CHRM3: variants seen among roughly 807,000 people sequenced by gnomAD.
The protein encoded by CHRM3 is cholinergic receptor muscarinic 3.
Under a neutral mutation model 41.8 loss-of-function variants are expected in CHRM3, and 11 were observed. That is an observed-to-expected ratio of 0.26 (90% confidence interval 0.17 to 0.44). The LOEUF is 0.44. Among genes scored for constraint, CHRM3 ranks in the 20% least tolerant of loss-of-function variants. The pLI is 1.00. For synonymous variants in CHRM3, 297 were observed against 301.4 expected, an observed-to-expected ratio of 0.99 and a Z score of 0.15; for missense variants, 571 against 745.4, an observed-to-expected ratio of 0.77 and a Z score of 2.72.
chr1:239,622,921 C>T (rs1668542584), intron 3 of CHRM3, among the ~76,000 whole-genome samples: 1 of 151,922 alleles, frequency 6.6e-6, no homozygotes, highest in Admixed American at 6.6e-5. Context: ...AAATCTTTTA[C>T]AAAAGAAAGA....
intron 5 of CHRM3, among the ~76,000 whole-genome samples, chr1:239,681,223 ATTGT>A (rs1658532416): frequency 6.6e-6 from 1 of 152,144 alleles, no homozygotes; most frequent in Non-Finnish European, 1.5e-5. Context: ...CCATATCACC[ATTGT>A]TTTAGCCACT....
At chr1:239,566,611 A>T (rs1466691836) in intron 3 of CHRM3, among the ~76,000 whole-genome samples, 1 of 152,018 alleles carries the variant, frequency 6.6e-6, no homozygotes, top group Non-Finnish European at 1.5e-5. Flanking sequence ...TAATTATTTA[A>T]TTTTTATCTT....
intron 3 of CHRM3, among the ~76,000 whole-genome samples, chr1:239,597,854 CAG>C (rs1558355407): frequency 6.2e-5 from 6 of 96,950 alleles, no homozygotes; most frequent in South Asian, 3.9e-4. Context: ...AAAAAACTGT[CAG>C]AGTTTTTTTT....
At chr1:239,889,445 C>G (rs1468528864) in intron 6 of CHRM3, among the ~76,000 whole-genome samples, 3 of 152,064 alleles carry the variant, frequency 2.0e-5, no homozygotes, top group Non-Finnish European at 4.4e-5. Context: ...CATGCCTGGC[C>G]CCTAGGTAGC....
At chr1:239,767,022 T>C (rs936714590) in intron 5 of CHRM3, among the ~76,000 whole-genome samples, 1 of 152,152 alleles carries the variant, frequency 6.6e-6, no homozygotes, top group Non-Finnish European at 1.5e-5. Flanking sequence ...TCACCATATA[T>C]ATATTAAATA....
At chr1:239,398,452 T>A (rs537263450) in intron 1 of CHRM3, among the ~76,000 whole-genome samples, 43 of 151,710 alleles carry the variant, frequency 2.8e-4, no homozygotes, top group Non-Finnish European at 5.2e-4. Flanking sequence ...GTCAGGCTGG[T>A]CTCGAACTCC....
intron 3 of CHRM3, among the ~76,000 whole-genome samples, chr1:239,603,427 T>C (rs951347376): frequency 6.6e-6 from 1 of 152,138 alleles, no homozygotes; most frequent in African/African-American, 2.4e-5. Context: ...ACGGATTCTG[T>C]GGCCTTGGAT....
intron 5 of CHRM3, among the ~76,000 whole-genome samples, chr1:239,754,401 A>G (rs1666074813): frequency 6.6e-6 from 1 of 152,162 alleles, no homozygotes; most frequent in Non-Finnish European, 1.5e-5. Context: ...ATTTAGGCAG[A>G]TCTTCTAAAA....
At chr1:239,824,778 G>A (rs1672323825) in intron 5 of CHRM3, among the ~76,000 whole-genome samples, 1 of 152,156 alleles carries the variant, frequency 6.6e-6, no homozygotes, top group African/African-American at 2.4e-5. Flanking sequence ...ACCAACACAG[G>A]TATTGACAAC....
chr1:239,409,847 C>T (rs142366821), intron 1 of CHRM3, among the ~76,000 whole-genome samples: 295 of 152,278 alleles, frequency 1.9e-3, no homozygotes, highest in Admixed American at 5.8e-3. Flanking sequence ...GAGGCTGAGG[C>T]AGAAGAATCA....
intron 2 of CHRM3, among the ~76,000 whole-genome samples, chr1:239,527,154 A>G (rs1037788409): frequency 6.6e-6 from 1 of 152,178 alleles, no homozygotes; most frequent in African/African-American, 2.4e-5. Flanking sequence ...CAAGAAAGCC[A>G]TAAGTCTTTT....
At chr1:239,827,857 G>A (rs1221067005) in intron 6 of CHRM3, among the ~76,000 whole-genome samples, 1 of 152,110 alleles carries the variant, frequency 6.6e-6, no homozygotes, top group Non-Finnish European at 1.5e-5. Flanking sequence ...TATTTTTACA[G>A]TGTCTAAGTG....
chr1:239,408,586 T>C (rs1474046015), intron 1 of CHRM3, among the ~76,000 whole-genome samples: 1 of 151,204 alleles, frequency 6.6e-6, no homozygotes, highest in Non-Finnish European at 1.5e-5. Context: ...TATGTCCTTA[T>C]AGCAGCGTGA....
chr1:239,695,095 C>T (rs1167076136), intron 5 of CHRM3, among the ~76,000 whole-genome samples: 1 of 152,210 alleles, frequency 6.6e-6, no homozygotes, highest in Non-Finnish European at 1.5e-5. Flanking sequence ...GCTGCAACCT[C>T]TGCCTCCCGG....
At chr1:239,479,190 CCACACACACACACA>C (rs56202845) in intron 1 of CHRM3, among the ~76,000 whole-genome samples, 53 of 139,988 alleles carry the variant, frequency 3.8e-4, no homozygotes, top group African/African-American at 9.7e-4. Context: ...TTTCAAAAAA[CCACACACACACACA>C]CACACACACA....
At chr1:239,765,557 T>C (rs1667132804) in intron 5 of CHRM3, among the ~76,000 whole-genome samples, 1 of 152,214 alleles carries the variant, frequency 6.6e-6, no homozygotes, top group Non-Finnish European at 1.5e-5. Context: ...ACTGGTTGAA[T>C]TTCTTGATGT....
intron 1 of CHRM3, among the ~76,000 whole-genome samples, chr1:239,487,959 C>T (rs192627502): frequency 1.2e-3 from 182 of 151,460 alleles, no homozygotes; most frequent in African/African-American, 4.2e-3. Context: ...AAACAGTTCA[C>T]ATTTAAAGGA....
At chr1:239,650,890 A>C (rs1365072224) in intron 4 of CHRM3, among the ~76,000 whole-genome samples, 1 of 152,256 alleles carries the variant, frequency 6.6e-6, no homozygotes, top group Non-Finnish European at 1.5e-5. Context: ...GTTTTGTAGT[A>C]TCACACATTA....
At position 239,848,031 on chromosome 1, in the gene CHRM3, C is replaced by A. The variant is rs575000185; in HGVS notation, c.-20+20653C>A. 2.0e-5 allele frequency among the ~76,000 whole-genome samples: 3 copies of A among 146,466 alleles called. No individual in the cohort carries two copies. In the South Asian group the frequency reaches 6.2e-4, roughly 30 times the overall value. Reference sequence around the variant, plus strand: ...AGCTGATCCATTGAAGTATGTGAGACAAAACCACCATTTAACACAGTCTTC... The same window carrying A: ...AGCTGATCCATTGAAGTATGTGAGAAAAAACCACCATTTAACACAGTCTTC... On this transcript the variant is annotated intron_variant, in intron 6 of 6. Coordinates refer to ENST00000676153, the MANE Select transcript of CHRM3 (RefSeq NM_001375978.1).
Sources: gnomAD v4.1 joint callset for allele counts (sites outside exome capture counted in the v4.1 genomes callset) on GRCh38, gnomAD v4.1.1 for gene constraint, MANE v1.5 for transcripts, NCBI Gene and HGNC (gene_info 2026-07-23, HGNC 2026-07-21) for gene names.